Variants in SDK1 observed in about 807,000 individuals in gnomAD.
SDK1 encodes the protein sidekick cell adhesion molecule 1, also known as protein sidekick-1.
A neutral mutation model predicts 245.5 loss-of-function variants in SDK1; 157 were observed. That is an observed-to-expected ratio of 0.64 (90% CI 0.56 to 0.73). SDK1 has a LOEUF of 0.73. Ranked by LOEUF, SDK1 falls within the 30% of genes least tolerant of loss-of-function variation. The pLI is 0.00. For synonymous variants in SDK1, 1,647 were observed against 1,278.5 expected, an observed-to-expected ratio of 1.29 and a Z score of -6.15; for missense variants, 3,583 against 3,002.3, an observed-to-expected ratio of 1.19 and a Z score of -4.52.
At chr7:3,835,639 T>C (rs538274448) in intron 5 of SDK1, among the ~76,000 whole-genome samples, 13 of 152,206 alleles carry the variant, frequency 8.5e-5, no homozygotes, top group Middle Eastern at 3.4e-3. Flanking sequence ...AATATTCATC[T>C]CTCTGTCCAT....
At chr7:3,554,241 G>A (rs955335988) in intron 1 of SDK1, among the ~76,000 whole-genome samples, 18 of 152,066 alleles carry the variant, frequency 1.2e-4, no homozygotes, top group South Asian at 2.1e-4. Flanking sequence ...AAACTCATGC[G>A]GAGTGCACTC....
chr7:3,321,113 G>C (rs1450359813), intron 1 of SDK1, among the ~76,000 whole-genome samples: 3 of 152,144 alleles, frequency 2.0e-5, no homozygotes, highest in Non-Finnish European at 4.4e-5. Context: ...GAAGGCTCTT[G>C]AAATGAAAAC....
chr7:3,638,708 A>G (rs1782549842), intron 2 of SDK1, among the ~76,000 whole-genome samples: 1 of 151,142 alleles, frequency 6.6e-6, no homozygotes. Context: ...TGGGTGCAGC[A>G]CACCAGCATG....
intron 1 of SDK1, among the ~76,000 whole-genome samples, chr7:3,523,058 C>G (rs941115318): frequency 5.9e-5 from 9 of 152,192 alleles, no homozygotes; most frequent in Admixed American, 5.9e-4. Context: ...TATCATGAAA[C>G]AGGTGATGTA....
At chr7:3,678,955 A>G (rs563416475) in intron 4 of SDK1, among the ~76,000 whole-genome samples, 2 of 152,244 alleles carry the variant, frequency 1.3e-5, no homozygotes, top group Non-Finnish European at 2.9e-5. Context: ...ACAAAATGAC[A>G]AAACATACGA....
At chr7:3,319,280 G>C (rs978627569) in intron 1 of SDK1, among the ~76,000 whole-genome samples, 10 of 152,256 alleles carry the variant, frequency 6.6e-5, no homozygotes, top group African/African-American at 2.4e-4. Flanking sequence ...ACAGGAGAGG[G>C]ATGGCTCTCA....
At chr7:3,554,966 T>G (rs1454747937) in intron 1 of SDK1, among the ~76,000 whole-genome samples, 1 of 152,170 alleles carries the variant, frequency 6.6e-6, no homozygotes, top group African/African-American at 2.4e-5. Flanking sequence ...ATTACATGTT[T>G]GTAGATTTGA....
intron 1 of SDK1, among the ~76,000 whole-genome samples, chr7:3,314,278 C>G (rs544612386): frequency 1.3e-5 from 2 of 152,184 alleles, no homozygotes; most frequent in East Asian, 1.9e-4. Flanking sequence ...AACCCAACAC[C>G]TAGATCAGAA....
chr7:4,107,487 C>CTT (rs111820146), intron 22 of SDK1, among the ~76,000 whole-genome samples: 166 of 149,122 alleles, frequency 1.1e-3, no homozygotes, highest in African/African-American at 1.8e-3. Context: ...TTCCTTTCTT[C>CTT]TTCTTTTTTT....
intron 1 of SDK1, among the ~76,000 whole-genome samples, chr7:3,353,093 T>C (rs969633075): frequency 1.3e-5 from 2 of 152,198 alleles, no homozygotes; most frequent in Non-Finnish European, 2.9e-5. Context: ...TTAGCTTTTT[T>C]TGCACCCTGC....
intron 4 of SDK1, among the ~76,000 whole-genome samples, chr7:3,787,912 T>C (rs1441537857): frequency 6.6e-6 from 1 of 152,194 alleles, no homozygotes; most frequent in Non-Finnish European, 1.5e-5. Flanking sequence ...CAGTGTCACA[T>C]GCGGTTGCAC....
At chr7:3,563,681 A>C (rs183491768) in intron 1 of SDK1, among the ~76,000 whole-genome samples, 282 of 152,318 alleles carry the variant, frequency 1.9e-3, no homozygotes, top group African/African-American at 6.3e-3. Flanking sequence ...AGAAAACTTG[A>C]AAAATACAAT....
intron 1 of SDK1, among the ~76,000 whole-genome samples, chr7:3,400,202 G>C (rs1344796098): frequency 6.6e-6 from 1 of 152,120 alleles, no homozygotes; most frequent in Non-Finnish European, 1.5e-5. Flanking sequence ...GCTTAGGAGA[G>C]AGGGATGGAG....
intron 1 of SDK1, among the ~76,000 whole-genome samples, chr7:3,527,893 A>G (rs1783200913): frequency 7.2e-6 from 1 of 138,728 alleles, no homozygotes. Context: ...AGTGAATGGT[A>G]GGAGGTAAGG....
Position 3,714,761 on chromosome 7 carries a change from G to T in SDK1, c.713+72656G>T, listed in dbSNP as rs78857144. On this transcript the variant is annotated intron_variant, in intron 4 of 44. Coordinates refer to ENST00000404826, the MANE Select transcript of SDK1 (RefSeq NM_152744.4). ...TTGAAGCGTTGAGTGTCAAGTATCT[G>T]GGAGATTTGCTTTTGTAGGACGGTT... Among the ~76,000 whole-genome samples, 1,221 of 152,278 alleles carry T rather than the reference G, an allele frequency of 8.0e-3. 29 individuals carry two copies. Among genetic ancestry groups the T allele is most frequent in the African/African-American group, 0.028 (1,162 of 41,544 alleles).
At chr7:3,856,059 G>C (rs1284718603) in intron 5 of SDK1, among the ~76,000 whole-genome samples, 1 of 152,142 alleles carries the variant, frequency 6.6e-6, no homozygotes, top group Non-Finnish European at 1.5e-5. Flanking sequence ...AACATTCCAA[G>C]AGTTATCAAC....
chr7:3,803,267 T>A (rs1445822220), intron 4 of SDK1, among the ~76,000 whole-genome samples: 1 of 152,218 alleles, frequency 6.6e-6, no homozygotes, highest in East Asian at 1.9e-4. Flanking sequence ...TGCTTCTTGT[T>A]GTACTCTGCC....
intron 4 of SDK1, among the ~76,000 whole-genome samples, chr7:3,805,776 G>C (rs779486476): frequency 7.2e-5 from 11 of 152,112 alleles, no homozygotes; most frequent in African/African-American, 2.7e-4. Context: ...ACATCATCCA[G>C]TGTATCCAAA....
chr7:4,094,367 G>A (rs1002864844), intron 22 of SDK1, among the ~76,000 whole-genome samples: 8 of 152,162 alleles, frequency 5.3e-5, no homozygotes, highest in Admixed American at 6.5e-5. Context: ...CGGCCCAGCC[G>A]GGGGTTTGAA....
Sources: gnomAD v4.1 joint callset for allele counts (sites outside exome capture counted in the v4.1 genomes callset) on GRCh38, gnomAD v4.1.1 for gene constraint, MANE v1.5 for transcripts, NCBI Gene and HGNC (gene_info 2026-07-23, HGNC 2026-07-21) for gene names.